Variants in SGSM3 observed in about 807,000 individuals in gnomAD.
SGSM3 encodes the protein small G protein signaling modulator 3.
Under a neutral mutation model 100.5 loss-of-function variants are expected in SGSM3, and 96 were observed. That is an observed-to-expected ratio of 0.96 (90% CI 0.81 to 1.13). SGSM3 has a LOEUF of 1.13. Ranked by LOEUF, SGSM3 falls within the 50% of genes most tolerant of loss-of-function variation. SGSM3 has a pLI of 0.00. For synonymous variants in SGSM3, 483 were observed against 422.8 expected (o/e 1.14, Z -1.75); for missense variants, 1,001 against 1,015.8 (o/e 0.99, Z 0.20).
chr22:40,409,396 G>A (rs1300626900), intron 20 of SGSM3, 24 bp downstream of exon 20: 3 of 1,581,202 alleles, frequency 1.9e-6, no homozygotes, highest in Non-Finnish European at 2.6e-6. Context: ...TGGGCTTGGG[G>A]GATGGAGGTG....
chr22:40,407,622 C>T lies in SGSM3; in HGVS notation c.1524+54C>T. ...CTCAGGCTGTGGCGGGTTCCCCAGA[C>T]TCCCTCCACCAAGCCCCACCCCAAC... On this transcript the variant is annotated intron_variant, in intron 13 of 21. Coordinates refer to ENST00000248929, the MANE Select transcript of SGSM3 (RefSeq NM_015705.6). The surrounding 1 kb of genome is among the most constrained non-coding windows in gnomAD (Gnocchi z 4.7). 1 of 1,583,798 alleles carries T rather than the reference C, an allele frequency of 6.3e-7. No homozygotes were observed. The highest frequency in any genetic ancestry group is 1.3e-5 in the African/African-American group (1 of 74,716).
intron 1 of SGSM3, among the ~76,000 whole-genome samples, chr22:40,387,989 G>A (rs1019913933): frequency 6.6e-6 from 1 of 152,146 alleles, no homozygotes; most frequent in Non-Finnish European, 1.5e-5. Context: ...TTTCCAGTCT[G>A]TGTTCTCCCT....
At chr22:40,408,513 C>T (rs1232839418) in intron 16 of SGSM3, 84 bp downstream of exon 16, 3 of 1,589,862 alleles carry the variant, frequency 1.9e-6, no homozygotes, top group African/African-American at 2.7e-5. Flanking sequence ...CCTTCCTGCC[C>T]CACAGAGAGG....
At chr22:40,393,795 G>A (rs189507986) in intron 1 of SGSM3, among the ~76,000 whole-genome samples, 1 of 152,322 alleles carries the variant, frequency 6.6e-6, no homozygotes, top group African/African-American at 2.4e-5. Context: ...AACTCCTTCC[G>A]TCAAGCCCCT....
chr22:40,402,788 G>A (rs963025017), intron 4 of SGSM3, among the ~76,000 whole-genome samples: 47 of 152,214 alleles, frequency 3.1e-4, no homozygotes, highest in African/African-American at 1.1e-3. Context: ...TCCTTTTATA[G>A]TGAATATACA....
chr22:40,405,664 C>T lies in SGSM3; in HGVS notation c.634C>T (p.Leu212=), dbSNP rs772040374. 1 of 1,613,240 alleles carries T rather than the reference C, an allele frequency of 6.2e-7. No homozygotes were observed. Among genetic ancestry groups the T allele is most frequent in the East Asian group, 2.2e-5 (1 of 44,872 alleles). ...QGTGMVAACL[L]LFLEEEDAFW... The stretch of plus-strand genomic sequence containing the variant: ...CCCTGGCCAGGTGGCCGCCTGCCTC[C>T]TGCTGTTCCTGGAGGAGGAGGACGC... The change falls in exon 8 of 22, where the codon CTG becomes TTG. Residue 212 remains leucine, a synonymous_variant. Coordinates refer to ENST00000248929, the MANE Select transcript of SGSM3 (RefSeq NM_015705.6).
At chr22:40,394,036 C>T (rs887452556) in intron 1 of SGSM3, among the ~76,000 whole-genome samples, 3 of 152,320 alleles carry the variant, frequency 2.0e-5, no homozygotes, top group African/African-American at 2.4e-5. Flanking sequence ...TTGTTTCCTG[C>T]CTCCTTTTCT....
At chr22:40,398,224 C>A (rs2050298378) in intron 1 of SGSM3, among the ~76,000 whole-genome samples, 1 of 151,816 alleles carries the variant, frequency 6.6e-6, no homozygotes, top group African/African-American at 2.4e-5. Context: ...ACCTCGGCCT[C>A]CCAAAGTGCT....
chr22:40,402,512 G>A lies in SGSM3; in HGVS notation c.157+307G>A, dbSNP rs560960128. 2.6e-5 allele frequency among the ~76,000 whole-genome samples: 4 copies of A among 152,344 alleles called. No homozygotes were observed. In the South Asian group the frequency reaches 8.3e-4, roughly 32 times the overall value. ...CCCAGCACTTTGGGAGGCTGAGGTG[G>A]ATGGATCACTTGAGGCCAAGAGTTC... On this transcript the variant is annotated intron_variant, in intron 4 of 21. Transcript: ENST00000248929.
chr22:40,379,586 C>G (rs1443657707), intron 1 of SGSM3: 1 of 152,226 alleles, frequency 6.6e-6, no homozygotes, highest in Admixed American at 6.5e-5. Context: ...CGTGCAGTGC[C>G]TGCTGCAGCA....
chr22:40,405,130 C>T lies in SGSM3; in HGVS notation c.475-11C>T. On this transcript the variant is annotated splice_polypyrimidine_tract_variant and intron_variant, in intron 6 of 21. Transcript: ENST00000248929. Reference sequence around the variant, plus strand: ...GTCTTGTTATTGTGGGTGCCGATGGCTGCCTGACAGATCGAGAAGGACCTG... The same window carrying T: ...GTCTTGTTATTGTGGGTGCCGATGGTTGCCTGACAGATCGAGAAGGACCTG... The T allele has an allele frequency of 6.7e-7, 1 of 1,501,692 alleles. No individual in the cohort carries two copies. Among genetic ancestry groups the T allele is most frequent in the Non-Finnish European group, 8.9e-7 (1 of 1,123,426 alleles). The allele number at this position is 1,501,692 out of a possible 1,614,324, so 93.0% of individuals were successfully genotyped here.
chr22:40,393,177 C>T (rs893316202), intron 1 of SGSM3, among the ~76,000 whole-genome samples: 3 of 152,156 alleles, frequency 2.0e-5, no homozygotes, highest in African/African-American at 4.8e-5. Context: ...AGTGCAGTGG[C>T]GCGATCGTGG....
chr22:40,409,745 G>T lies in SGSM3; in HGVS notation c.2236G>T (p.Asp746Tyr). 1.2e-6 allele frequency: 2 copies of T among 1,609,312 alleles called. No individual in the cohort carries two copies. The highest frequency in any genetic ancestry group is 1.7e-6 in the Non-Finnish European group (2 of 1,179,548). ...MLVKHHLFSW[D>Y]VDG ...GGTGAAGCACCACCTCTTCAGCTGGGATGTGGACGGGTGACCCCCTCCTCC... is the reference window on the plus strand; with the variant it reads ...GGTGAAGCACCACCTCTTCAGCTGGTATGTGGACGGGTGACCCCCTCCTCC... Residue 746 changes from aspartate to tyrosine, a missense_variant, in exon 22 of 22, where the codon GAT (aspartate) becomes TAT (tyrosine). Coordinates refer to ENST00000248929, the MANE Select transcript of SGSM3 (RefSeq NM_015705.6).
chr22:40,385,572 G>A (rs934706131), intron 1 of SGSM3, among the ~76,000 whole-genome samples: 1 of 152,178 alleles, frequency 6.6e-6, no homozygotes, highest in Non-Finnish European at 1.5e-5. Flanking sequence ...GTGAAAAGCC[G>A]TTTTGACACG....
intron 1 of SGSM3, among the ~76,000 whole-genome samples, chr22:40,385,340 G>A (rs756366098): frequency 1.6e-4 from 25 of 152,218 alleles, no homozygotes; most frequent in Admixed American, 1.3e-4. Context: ...GCTTGAGTGG[G>A]TACAGGGATA....
intron 1 of SGSM3, among the ~76,000 whole-genome samples, chr22:40,383,733 T>A (rs1428434869): frequency 6.6e-6 from 1 of 152,166 alleles, no homozygotes; most frequent in Non-Finnish European, 1.5e-5. Context: ...GATTGGGGTC[T>A]ATGGAATCAG....
At chr22:40,408,150 T>C in intron 15 of SGSM3, 30 bp downstream of exon 15, 1 of 1,611,250 alleles carries the variant, frequency 6.2e-7, no homozygotes, top group Non-Finnish European at 8.5e-7. Flanking sequence ...TAGGCACGGC[T>C]GGCACCCTTC....
rs374291042 is a variant in SGSM3 at position 40,404,614 on chromosome 22, C to G, written c.424C>G (p.Arg142Gly). Residue 142 changes from arginine (R) to glycine (G), a missense_variant, in exon 6 of 22, where the codon CGC becomes GGC. Arg to Gly is a moderately radical substitution (Grantham distance 125). Transcript: ENST00000248929. Reference sequence around the variant, plus strand: ...GAAGAGGAACTCTGAGCTGTCCTACCGCGAGATTGTGAAGAACAGCTCCAA... The same window carrying G: ...GAAGAGGAACTCTGAGCTGTCCTACGGCGAGATTGTGAAGAACAGCTCCAA... ...QKKRNSELSY[R>G]EIVKNSSNDE... The G allele has an allele frequency of 5.6e-6, 9 of 1,613,562 alleles. No individual in the cohort carries two copies. The highest frequency in any genetic ancestry group is 1.1e-5 in the South Asian group (1 of 91,038).
At chr22:40,400,242 A>G (rs1195735978) in intron 1 of SGSM3, among the ~76,000 whole-genome samples, 1 of 152,232 alleles carries the variant, frequency 6.6e-6, no homozygotes, top group Non-Finnish European at 1.5e-5. Context: ...TATGATTTCA[A>G]AAACCGGAAT....
Sources: gnomAD v4.1 joint callset for allele counts (sites outside exome capture counted in the v4.1 genomes callset) on GRCh38, gnomAD v4.1.1 for gene constraint, Gnocchi (gnomAD v3.1) non-coding constraint, MANE v1.5 for transcripts, NCBI Gene and HGNC (gene_info 2026-07-23, HGNC 2026-07-21) for gene names.